MIS18BP1: variants seen among roughly 807,000 people sequenced by gnomAD.
MIS18BP1 encodes mis18-binding protein 1.
A neutral mutation model predicts 116.1 loss-of-function variants in MIS18BP1; 72 were observed. That is an observed-to-expected ratio of 0.62 (90% CI 0.51 to 0.75). The LOEUF (loss-of-function observed/expected upper bound fraction) is 0.75. MIS18BP1 is among the 30% of genes least tolerant of loss of function. The pLI is 0.00. For synonymous variants in MIS18BP1, 386 were observed against 427.0 expected, an observed-to-expected ratio of 0.90 and a Z score of 1.18; for missense variants, 1,363 against 1,303.2, an observed-to-expected ratio of 1.05 and a Z score of -0.71.
chr14:45,208,317 A>G (rs1022944927), intron 14 of MIS18BP1, among the ~76,000 whole-genome samples: 3 of 151,582 alleles, frequency 2.0e-5, no homozygotes, highest in Non-Finnish European at 4.4e-5. Context: ...TCAACGGCCA[A>G]AAGGATGAAG....
In MIS18BP1 at chr14:45,224,270, T is replaced by C. The variant is rs1445984544; in HGVS notation, c.2317A>G (p.Ser773Gly). Residue 773 changes from serine (S) to glycine (G), a missense_variant, in exon 11 of 17, where the codon AGT becomes GGT. Coordinates refer to ENST00000310806, the MANE Select transcript of MIS18BP1 (RefSeq NM_018353.5). ...YKHQSSPDLS[S>G]EESETEKEIK... ...TCCTTTTCTGTTTCACTTTCTTCAC[T>C]TGACAAATCTGGTGAGGACTGATGC... The C allele has an allele frequency of 1.2e-6, 2 of 1,613,892 alleles. No individual in the cohort carries two copies. The highest frequency in any genetic ancestry group is 1.1e-5 in the South Asian group (1 of 91,080).
chr14:45,238,908 C>T lies in MIS18BP1; in HGVS notation c.1144-1187G>A, dbSNP rs542679050. 4.6e-5 allele frequency among the ~76,000 whole-genome samples: 7 copies of T among 152,192 alleles called. No individual in the cohort carries two copies. In the South Asian group the frequency reaches 1.5e-3, roughly 32 times the overall value. On this transcript the variant is annotated intron_variant, in intron 4 of 16. Coordinates refer to ENST00000310806, the MANE Select transcript of MIS18BP1 (RefSeq NM_018353.5). ...ATCCACCATCTTGTCTTACCCTCACCCAAGACACAAATATGGCTTCTGTTT... is the reference window on the plus strand; with the variant it reads ...ATCCACCATCTTGTCTTACCCTCACTCAAGACACAAATATGGCTTCTGTTT...
At chr14:45,235,577 A>G (rs1891403409) in intron 6 of MIS18BP1, among the ~76,000 whole-genome samples, 1 of 149,320 alleles carries the variant, frequency 6.7e-6, no homozygotes, top group African/African-American at 2.5e-5. Context: ...GTGACAGAGC[A>G]AGACTCCATT....
At chr14:45,208,336 T>G (rs1274374973) in intron 14 of MIS18BP1, among the ~76,000 whole-genome samples, 2 of 149,654 alleles carry the variant, frequency 1.3e-5, no homozygotes, top group African/African-American at 2.5e-5. Flanking sequence ...AGTTGTTTTT[T>G]TTTTTTTTTT....
chr14:45,222,162 T>A (rs897430800), intron 11 of MIS18BP1, among the ~76,000 whole-genome samples: 1 of 152,228 alleles, frequency 6.6e-6, no homozygotes, highest in African/African-American at 2.4e-5. Flanking sequence ...CAGCATATAG[T>A]TAGATCATGT....
At position 45,224,707 on chromosome 14, in the gene MIS18BP1, G is replaced by A; in HGVS notation, c.1880C>T (p.Thr627Ile). ...EELDVSIDILTSREQFFSDEE... is the reference protein window; with the variant it reads ...EELDVSIDILISREQFFSDEE... Reference sequence around the variant, plus strand: ...ATCTGAGAAAAACTGTTCCCTTGAGGTTAGAATATCAATGGATACATCCAA... The same window carrying A: ...ATCTGAGAAAAACTGTTCCCTTGAGATTAGAATATCAATGGATACATCCAA... Residue 627 changes from threonine (T) to isoleucine (I), a missense_variant, in exon 11 of 17, where the codon ACC (threonine) becomes ATC (isoleucine). Physicochemically the swap from Thr to Ile is moderately conservative, Grantham distance 89. Coordinates refer to ENST00000310806, the MANE Select transcript of MIS18BP1 (RefSeq NM_018353.5). 6.2e-7 allele frequency: 1 copy of A among 1,602,646 alleles called. No homozygotes were observed. Among genetic ancestry groups the A allele is most frequent in the South Asian group, 1.1e-5 (1 of 88,576 alleles).
chr14:45,241,342 C>A (rs1464418601), intron 4 of MIS18BP1: 2 of 152,100 alleles, frequency 1.3e-5, no homozygotes, highest in Non-Finnish European at 2.9e-5. Context: ...TGGTGGCAGG[C>A]GCCTGTAATC....
In MIS18BP1 at chr14:45,221,400, T is replaced by G. The variant is rs999734280; in HGVS notation, c.2669+2518A>C. Among the ~76,000 whole-genome samples, 17 of 151,866 alleles carry G rather than the reference T, an allele frequency of 1.1e-4. No individual in the cohort carries two copies. In the East Asian group the frequency reaches 1.6e-3, roughly 14 times the overall value. On this transcript the variant is annotated intron_variant, in intron 11 of 16. Coordinates refer to ENST00000310806, the MANE Select transcript of MIS18BP1 (RefSeq NM_018353.5). ...TGCAGTGAGCAGAGATCGCGCCACT[T>G]CACTCCAGCCTGGGCGACAGAGCAA...
At chr14:45,217,209 G>A in intron 12 of MIS18BP1, 30 bp from the exon 13 acceptor site, 1 of 1,605,580 alleles carries the variant, frequency 6.2e-7, no homozygotes, top group Non-Finnish European at 8.5e-7. Context: ...TTTTGATAAG[G>A]ATTTGGTTAT....
intron 13 of MIS18BP1, among the ~76,000 whole-genome samples, chr14:45,216,679 CT>C (rs1890826844): frequency 6.6e-6 from 1 of 152,170 alleles, no homozygotes; most frequent in African/African-American, 2.4e-5. Context: ...GCTACTATCA[CT>C]TAATCCCTCC....
At chr14:45,216,415 T>C (rs1198822276) in intron 13 of MIS18BP1, among the ~76,000 whole-genome samples, 1 of 152,232 alleles carries the variant, frequency 6.6e-6, no homozygotes, top group Admixed American at 6.5e-5. Flanking sequence ...CTTTACTTTC[T>C]TGGATTACTA....
chr14:45,244,625 A>G (rs1325600140), intron 2 of MIS18BP1, among the ~76,000 whole-genome samples: 1 of 152,188 alleles, frequency 6.6e-6, no homozygotes, highest in East Asian at 1.9e-4. Context: ...TCACAGCCAT[A>G]TTTACTGGTT....
intron 1 of MIS18BP1, among the ~76,000 whole-genome samples, chr14:45,247,847 A>G (rs1891763802): frequency 6.6e-6 from 1 of 152,192 alleles, no homozygotes; most frequent in African/African-American, 2.4e-5. Context: ...ATTCTAATAA[A>G]AGCTAAAAAA....
chr14:45,214,408 G>C (rs188134284), intron 13 of MIS18BP1, among the ~76,000 whole-genome samples: 3 of 152,242 alleles, frequency 2.0e-5, no homozygotes, highest in African/African-American at 7.2e-5. Context: ...AGAGACCTTT[G>C]TTTACATGTT....
intron 14 of MIS18BP1, chr14:45,210,002 A>G (rs1031868586): frequency 1.9e-5 from 3 of 156,964 alleles, no homozygotes; most frequent in African/African-American, 7.2e-5. Flanking sequence ...ACATTTTTAC[A>G]CAGTTGACTT....
intron 1 of MIS18BP1, among the ~76,000 whole-genome samples, chr14:45,249,251 C>T (rs1420982600): frequency 2.6e-5 from 4 of 152,070 alleles, no homozygotes; most frequent in Non-Finnish European, 5.9e-5. Flanking sequence ...GCCACCCCAC[C>T]CGGCTAATTT....
rs376067682 is a variant in MIS18BP1 at position 45,219,476 on chromosome 14, G to A, written c.2670-1022C>T. On this transcript the variant is annotated intron_variant, in intron 11 of 16. Transcript: ENST00000310806. Reference sequence around the variant, plus strand: ...ATAGTATTTCCACCATACCACAGAGGTGAAGAGTCTCAAGAGCATATATAT... The same window carrying A: ...ATAGTATTTCCACCATACCACAGAGATGAAGAGTCTCAAGAGCATATATAT... Among the ~76,000 whole-genome samples the A allele has an allele frequency of 2.8e-4, 43 of 152,024 alleles. 1 individual carries two copies. In the South Asian group the frequency reaches 8.9e-3, roughly 32 times the overall value.
intron 10 of MIS18BP1, 85 bp from the exon 11 acceptor site, chr14:45,224,831 A>C (rs1891082591): frequency 9.8e-7 from 1 of 1,024,262 alleles, no homozygotes; most frequent in African/African-American, 1.6e-5. Context: ...ATTTTCACAA[A>C]TAAAAGATAC....
At chr14:45,214,535 C>G (rs182005382) in intron 13 of MIS18BP1, among the ~76,000 whole-genome samples, 1 of 152,208 alleles carries the variant, frequency 6.6e-6, no homozygotes, top group African/African-American at 2.4e-5. Context: ...GGGCGCCGCC[C>G]GGGGCCTCAG....
Sources: gnomAD v4.1 joint callset for allele counts (sites outside exome capture counted in the v4.1 genomes callset) on GRCh38, gnomAD v4.1.1 for gene constraint, MANE v1.5 for transcripts, NCBI Gene and HGNC (gene_info 2026-07-23, HGNC 2026-07-21) for gene names.